COL1A2: variants seen among roughly 807,000 people sequenced by gnomAD.
COL1A2 encodes collagen alpha-2(I) chain.
Under a neutral mutation model 174.3 loss-of-function variants are expected in COL1A2, and 49 were observed. The ratio of observed to expected loss-of-function variants is 0.28; its 90% CI spans 0.22 to 0.36. The LOEUF (loss-of-function observed/expected upper bound fraction) is 0.36. Among genes scored for constraint, COL1A2 ranks in the 10% least tolerant of loss-of-function variants. The pLI is 1.00. For missense variants in COL1A2, 1,438 were observed against 1,822.7 expected, an observed-to-expected ratio of 0.79 and a Z score of 3.84; for synonymous variants, 655 against 606.6, an observed-to-expected ratio of 1.08 and a Z score of -1.17.
At chr7:94,412,530 G>A in intron 24 of COL1A2, 54 bp from the exon 25 acceptor site, 1 of 1,364,220 alleles carries the variant, frequency 7.3e-7, no homozygotes, top group Middle Eastern at 1.8e-4. Flanking sequence ...TCATAAGCTT[G>A]AGGTTGTGAG....
At chr7:94,416,696 A>G (rs1792048744) in intron 31 of COL1A2, 193 bp downstream of exon 31, 2 of 585,208 alleles carry the variant, frequency 3.4e-6, no homozygotes, top group Admixed American at 3.0e-5. Flanking sequence ...ATAGCAACAA[A>G]CTGTGGGGGA....
rs1475280953 is a variant in COL1A2, at chr7:94,410,910, C to A, written c.1219C>A (p.Leu407Ile). 6 of 1,613,850 alleles carry A rather than the reference C, an allele frequency of 3.7e-6. No individual in the cohort carries two copies. In the African/African-American group the frequency reaches 8.0e-5, roughly 22 times the overall value. Residue 407 changes from leucine (L) to isoleucine (I), a missense_variant, in exon 22 of 52, where the codon CTT becomes ATT. By Grantham distance (5) the Leu-to-Ile change is conservative. Around this residue, in one of 3 missense-constraint regions of COL1A2, gnomAD observed 867 missense variants for 1,213.7 expected, o/e 0.71. Coordinates refer to ENST00000297268, the MANE Select transcript of COL1A2 (RefSeq NM_000089.4). The part of the protein sequence containing the change: ...GLRGSPGSRG[L>I]PGADGRAGVM... ...GCAGGGTAGTCCTGGTTCTCGTGGT[C>A]TTCCTGGAGCTGATGGCAGAGCTGG...
In COL1A2 at chr7:94,401,601, G is replaced by T; in HGVS notation, c.260G>T (p.Gly87Val). 1 of 1,579,574 alleles carries T rather than the reference G, an allele frequency of 6.3e-7. No homozygotes were observed. Among genetic ancestry groups the T allele is most frequent in the Non-Finnish European group, 8.6e-7 (1 of 1,161,092 alleles). Residue 87 changes from glycine to valine, a missense_variant, in exon 6 of 52, where the codon GGA becomes GTA. Transcript: ENST00000297268. Reference sequence around the variant, plus strand: ...GCTCAGTATGATGGAAAAGGAGTTGGACTTGGCCCTGGACCAATGGTATGC... The same window carrying T: ...GCTCAGTATGATGGAAAAGGAGTTGTACTTGGCCCTGGACCAATGGTATGC... ...FAAQYDGKGV[G>V]LGPGPMGLMG...
intron 2 of COL1A2, among the ~76,000 whole-genome samples, 162 bp downstream of exon 2, chr7:94,397,920 G>C (rs1179951568): frequency 1.3e-5 from 2 of 151,842 alleles, no homozygotes; most frequent in African/African-American, 4.8e-5. Flanking sequence ...GGCTGCCTTA[G>C]AAAGTACCCA....
Position 94,409,329 on chromosome 7 carries a change from T to A in COL1A2, c.800T>A (p.Ile267Asn). 1 of 1,614,164 alleles carries A rather than the reference T, an allele frequency of 6.2e-7. No homozygotes were observed. Among genetic ancestry groups the A allele is most frequent in the South Asian group, 1.1e-5 (1 of 91,084 alleles). The change falls in exon 17 of 52, where the codon ATT (isoleucine) becomes AAT (asparagine). Residue 267 changes from isoleucine to asparagine, a missense_variant. Physicochemically the swap from Ile to Asn is moderately radical, Grantham distance 149. This residue lies in a region of COL1A2 where 867 missense variants were observed against 1,213.7 expected (regional missense o/e 0.71). Coordinates refer to ENST00000297268, the MANE Select transcript of COL1A2 (RefSeq NM_000089.4). ...TTTAATTTCCTCTTTTAGGGTGAAA[T>A]TGGAGCTGTTGGTAACGCTGGTCCT... ...FPGAPGPKGE[I>N]GAVGNAGPAG...
rs1791667095 is a variant in COL1A2, at chr7:94,400,375, T to C, written c.225+87T>C. On this transcript the variant is annotated intron_variant, in intron 5 of 51. Coordinates refer to ENST00000297268, the MANE Select transcript of COL1A2 (RefSeq NM_000089.4). Reference sequence around the variant, plus strand: ...GAATTTATTTTTAGCAGTTAAGGGATAATTCTTCCATTTGAAAATTAGTAT... The same window carrying C: ...GAATTTATTTTTAGCAGTTAAGGGACAATTCTTCCATTTGAAAATTAGTAT... 58 of 1,141,084 alleles carry C rather than the reference T, an allele frequency of 5.1e-5. 1 individual carries two copies. In the South Asian group the frequency reaches 6.8e-4, roughly 13 times the overall value. The allele number at this position is 1,141,084 out of a possible 1,614,324, so 70.7% of individuals were successfully genotyped here. A position where few individuals can be genotyped will look rare whatever the true frequency, so the allele number is the denominator to read the frequency against.
At chr7:94,425,694 A>G (rs1191690794) in intron 43 of COL1A2, 31 bp downstream of exon 43, 26 of 1,614,106 alleles carry the variant, frequency 1.6e-5, no homozygotes, top group Non-Finnish European at 2.2e-5. Flanking sequence ...TCTCTAATTC[A>G]AAAGTGATTA....
chr7:94,407,757 T>A, intron 12 of COL1A2, 90 bp from the exon 13 acceptor site: 1 of 1,170,596 alleles, frequency 8.5e-7, no homozygotes, highest in Non-Finnish European at 1.3e-6. Context: ...ATATGAATGG[T>A]TCAAAGTAAA....
intron 13 of COL1A2, 142 bp from the exon 14 acceptor site, chr7:94,408,038 CACT>C (rs1351192168): frequency 8.6e-7 from 1 of 1,162,624 alleles, no homozygotes; most frequent in East Asian, 2.5e-5. Flanking sequence ...AATTGAAATC[CACT>C]ACTGTTTAGT....
At chr7:94,430,029 G>C in intron 51 of COL1A2, 1 of 561,362 alleles carries the variant, frequency 1.8e-6, no homozygotes, top group Non-Finnish European at 3.2e-6. Context: ...GGTTTTTTTG[G>C]TTTGTTTGTT....
chr7:94,425,633 C>T lies in COL1A2; in HGVS notation c.2805C>T (p.Pro935=). The change falls in exon 43 of 52, where the codon CCC becomes CCT. Residue 935 remains proline, a synonymous_variant. Transcript: ENST00000297268. ...AGGGCAACCCTGGGAACGATGGTCC[C>T]CCAGGTCGCGATGGTCAACCCGGAC... ...GRDGNPGNDG[P]PGRDGQPGHK... is the part of the protein sequence containing the mutation. 6.2e-7 allele frequency: 1 copy of T among 1,614,078 alleles called. No individual in the cohort carries two copies. The highest frequency in any genetic ancestry group is 8.5e-7 in the Non-Finnish European group (1 of 1,179,984).
intron 3 of COL1A2, 101 bp downstream of exon 3, chr7:94,398,497 A>C: frequency 1.0e-5 from 5 of 482,818 alleles, no homozygotes; most frequent in Non-Finnish European, 1.7e-5. Flanking sequence ...CTTTATCAAA[A>C]TTTTGTTCAT....
rs774207771 is a variant in COL1A2, at chr7:94,425,797, T to G, written c.2883T>G (p.Gly961=). 1 of 1,613,148 alleles carries G rather than the reference T, an allele frequency of 6.2e-7. No homozygotes were observed. Among genetic ancestry groups the G allele is most frequent in the Admixed American group, 1.7e-5 (1 of 59,910 alleles). Residue 961 remains glycine (G), a synonymous_variant, in exon 44 of 52, where the codon GGT becomes GGG. Coordinates refer to ENST00000297268, the MANE Select transcript of COL1A2 (RefSeq NM_000089.4). ...ATATTGGTCCCGTTGGTGCTGCAGG[T>G]GCACCTGGTCCTCATGGCCCCGTGG... ...PGNIGPVGAA[G]APGPHGPVGP...
intron 6 of COL1A2, among the ~76,000 whole-genome samples, chr7:94,402,447 T>G (rs2115868278): frequency 6.6e-6 from 1 of 152,190 alleles, no homozygotes; most frequent in Non-Finnish European, 1.5e-5. Flanking sequence ...AGCATTTATG[T>G]CACTCAGTAC....
intron 22 of COL1A2, 32 bp from the exon 23 acceptor site, chr7:94,411,024 C>T: frequency 6.3e-7 from 1 of 1,598,502 alleles, no homozygotes; most frequent in Non-Finnish European, 8.5e-7. Context: ...GCATCCTCCT[C>T]CTCTATCTGT....
chr7:94,421,773 CTA>C, intron 38 of COL1A2, 124 bp from the exon 39 acceptor site: 2 of 456,088 alleles, frequency 4.4e-6, no homozygotes, highest in Non-Finnish European at 8.0e-6. Context: ...ATGAAGCTGC[CTA>C]CCTCCTACTC....
intron 40 of COL1A2, 52 bp from the exon 41 acceptor site, chr7:94,424,284 T>C: frequency 1.4e-6 from 2 of 1,473,110 alleles, no homozygotes; most frequent in South Asian, 1.1e-5. Flanking sequence ...AGCCAACCTG[T>C]GTTATCACCT....
chr7:94,396,677 A>T (rs984755410), intron 1 of COL1A2, among the ~76,000 whole-genome samples: 4 of 152,222 alleles, frequency 2.6e-5, no homozygotes, highest in African/African-American at 9.6e-5. Context: ...AGTCAGGCAT[A>T]ATTATTCTTC....
At position 94,395,012 on chromosome 7, in the gene COL1A2, T is replaced by C. The variant is rs1488741340; in HGVS notation, c.-20T>C. The C allele has an allele frequency of 3.7e-6, 6 of 1,611,580 alleles. No homozygotes were observed. The highest frequency in any genetic ancestry group is 5.1e-6 in the Non-Finnish European group (6 of 1,178,708). On this transcript the variant is annotated 5_prime_UTR_variant, in exon 1 of 52. Coordinates refer to ENST00000297268, the MANE Select transcript of COL1A2 (RefSeq NM_000089.4). Reference sequence around the variant, plus strand: ...CAGGGGCTCTGCGACACAAGGAGTCTGCATGTCTAAGTGCTAGACATGCTC... The same window carrying C: ...CAGGGGCTCTGCGACACAAGGAGTCCGCATGTCTAAGTGCTAGACATGCTC...
Sources: gnomAD v4.1 joint callset for allele counts (sites outside exome capture counted in the v4.1 genomes callset) on GRCh38, gnomAD v4.1.1 for gene constraint, gnomAD v4.1.1 regional missense constraint, MANE v1.5 for transcripts, NCBI Gene and HGNC (gene_info 2026-07-23, HGNC 2026-07-21) for gene names.